Variants in HERC4 observed in about 807,000 individuals in gnomAD.
The protein encoded by HERC4 is probable E3 ubiquitin-protein ligase HERC4.
A neutral mutation model predicts 124.3 loss-of-function variants in HERC4; 28 were observed. The observed-to-expected ratio is 0.23, with a 90% CI of 0.17 to 0.31. The LOEUF (loss-of-function observed/expected upper bound fraction) is 0.31, where lower values mean the gene tolerates loss of function less well. Ranked by LOEUF, HERC4 falls within the 10% of genes least tolerant of loss-of-function variation. The probability of loss-of-function intolerance (pLI) is 1.00; values close to 1 mark genes in which losing one functional copy is unlikely to be tolerated. For synonymous variants in HERC4, 407 were observed against 421.5 expected (o/e 0.97, Z 0.42); for missense variants, 713 against 1,229.3 (o/e 0.58, Z 6.28).
chr10:67,940,077 G>A (rs1418546158), intron 20 of HERC4, among the ~76,000 whole-genome samples: 9 of 151,940 alleles, frequency 5.9e-5, no homozygotes, highest in African/African-American at 1.9e-4. Flanking sequence ...ACAGGCGACC[G>A]CCACCATGCC....
At chr10:67,978,459 A>G (rs73263222) in intron 15 of HERC4, among the ~76,000 whole-genome samples, 11,522 of 152,204 alleles carry the variant, frequency 0.076, 1,132 homozygotes, top group African/African-American at 0.23. Flanking sequence ...GTACAACAGA[A>G]CACCAGGTAG....
intron 9 of HERC4, chr10:67,992,899 G>C (rs745692304): frequency 1.5e-5 from 6 of 389,484 alleles, no homozygotes; most frequent in Non-Finnish European, 2.7e-5. Context: ...AGCAGCATTT[G>C]GTGAAGTTTA....
Position 67,987,402 on chromosome 10 carries a change from G to A in HERC4, c.1806+1261C>T, listed in dbSNP as rs1262604154. ...GAATGAGTAATTATTTGGTAATAGG[G>A]TCCAGCTGAAAAGGGATTGTTCACC... On this transcript the variant is annotated intron_variant, in intron 15 of 24. Coordinates refer to ENST00000373700, the MANE Select transcript of HERC4 (RefSeq NM_015601.4). Among the ~76,000 whole-genome samples the A allele has an allele frequency of 1.2e-4, 18 of 152,146 alleles. 1 individual carries two copies. The highest frequency in any genetic ancestry group is 1.2e-3 in the Admixed American group (18 of 15,276).
chr10:67,923,568 CT>C (rs1029816564), intron 24 of HERC4, among the ~76,000 whole-genome samples: 3 of 148,820 alleles, frequency 2.0e-5, no homozygotes, highest in East Asian at 2.0e-4. Context: ...TCAAATCATT[CT>C]TTTTTTTTTG....
chr10:67,977,186 G>A (rs1002761597), intron 15 of HERC4, among the ~76,000 whole-genome samples: 3 of 152,158 alleles, frequency 2.0e-5, no homozygotes, highest in African/African-American at 7.2e-5. Context: ...GGGAAGAGTG[G>A]GGAGAACTTT....
At chr10:68,064,715 G>A (rs2041213079) in intron 3 of HERC4, among the ~76,000 whole-genome samples, 1 of 152,078 alleles carries the variant, frequency 6.6e-6, no homozygotes, top group African/African-American at 2.4e-5. Context: ...GCTCACACCT[G>A]TAATCCCAGC....
At chr10:68,002,387 A>AT (rs879301841) in intron 9 of HERC4, among the ~76,000 whole-genome samples, 3 of 152,018 alleles carry the variant, frequency 2.0e-5, no homozygotes, top group Admixed American at 6.6e-5. Context: ...TAAAAAATAT[A>AT]TATGAAAAGA....
Position 68,006,161 on chromosome 10 carries a change from T to C in HERC4, c.1069+7865A>G, listed in dbSNP as rs118153679. On this transcript the variant is annotated intron_variant, in intron 9 of 24. Coordinates refer to ENST00000373700, the MANE Select transcript of HERC4 (RefSeq NM_015601.4). ...CTTTACAAGTTGCTGTAGTTATTAT[T>C]ATCTTTGATCCGTTTTAGTCTTCTT... is the stretch of plus-strand genomic sequence containing the variant. Among the ~76,000 whole-genome samples, 964 of 152,334 alleles carry C rather than the reference T, an allele frequency of 6.3e-3. 7 individuals carry two copies. Among genetic ancestry groups the C allele is most frequent in the South Asian group, 0.019 (92 of 4,832 alleles).
intron 24 of HERC4, among the ~76,000 whole-genome samples, chr10:67,924,084 A>G (rs1194156397): frequency 6.6e-6 from 1 of 152,182 alleles, no homozygotes; most frequent in African/African-American, 2.4e-5. Flanking sequence ...CCAAACAGAG[A>G]AAAGAGCAAT....
At chr10:67,926,416 TAA>T (rs11305276) in intron 23 of HERC4, among the ~76,000 whole-genome samples, 2 of 119,444 alleles carry the variant, frequency 1.7e-5, no homozygotes, top group African/African-American at 3.1e-5. Context: ...AAATAAAAAA[TAA>T]AAAAAAAAAA....
rs1554830068 is a variant in HERC4, at chr10:68,059,474, T to TATA, written c.226+13406_226+13408dup. Among the ~76,000 whole-genome samples the TATA allele has an allele frequency of 5.8e-3, 738 of 127,386 alleles. 22 individuals carry two copies. Among genetic ancestry groups the TATA allele is most frequent in the African/African-American group, 0.023 (713 of 31,304 alleles). The allele number at this position is 127,386 out of a possible 152,430, so 83.6% of individuals were successfully genotyped here. A position where few individuals can be genotyped will look rare whatever the true frequency, so the allele number is the denominator to read the frequency against. ...TATATATTATAATAATATTATATATTATAATATTATATATTATAACATTAT... is the reference window on the plus strand; with the variant it reads ...TATATATTATAATAATATTATATATTATAATAATATTATATATTATAACATTAT... On this transcript the variant is annotated intron_variant, in intron 3 of 24. Transcript: ENST00000373700.
intron 23 of HERC4, among the ~76,000 whole-genome samples, chr10:67,928,937 G>A (rs1319750506): frequency 6.6e-6 from 1 of 151,680 alleles, no homozygotes; most frequent in Non-Finnish European, 1.5e-5. Flanking sequence ...AAAAAGAGTT[G>A]CCTCCTGACA....
At chr10:68,073,460 A>G (rs1326484841) in intron 2 of HERC4, among the ~76,000 whole-genome samples, 197 bp downstream of exon 2, 1 of 152,224 alleles carries the variant, frequency 6.6e-6, no homozygotes, top group African/African-American at 2.4e-5. Context: ...CTTGTGATAG[A>G]CTAAACTAAT....
chr10:68,058,934 T>C (rs1182376924), intron 3 of HERC4, among the ~76,000 whole-genome samples: 1 of 152,108 alleles, frequency 6.6e-6, no homozygotes, highest in Admixed American at 6.6e-5. Flanking sequence ...AATCTAACTC[T>C]CACCACTTCT....
At chr10:68,028,418 A>C (rs1268988706) in intron 7 of HERC4, among the ~76,000 whole-genome samples, 1 of 152,170 alleles carries the variant, frequency 6.6e-6, no homozygotes, top group Non-Finnish European at 1.5e-5. Context: ...ATCCAGTGAA[A>C]GCTCCTTCAA....
chr10:67,964,416 A>G (rs1012932475), intron 16 of HERC4, among the ~76,000 whole-genome samples: 4 of 152,064 alleles, frequency 2.6e-5, no homozygotes, highest in Admixed American at 6.6e-5. Context: ...TCCATCAGTG[A>G]TTTTTATTTT....
intron 15 of HERC4, among the ~76,000 whole-genome samples, chr10:67,976,417 T>C (rs942006152): frequency 3.9e-5 from 6 of 152,190 alleles, no homozygotes; most frequent in African/African-American, 9.7e-5. Context: ...ACCTCTGATA[T>C]ATATTTTTGT....
chr10:67,995,946 C>A, intron 9 of HERC4: 1 of 278,176 alleles, frequency 3.6e-6, no homozygotes. Flanking sequence ...TGTGTATGAA[C>A]AGACATCATA....
chr10:67,960,489 G>A (rs183755576), intron 16 of HERC4, among the ~76,000 whole-genome samples: 1 of 152,060 alleles, frequency 6.6e-6, no homozygotes. Flanking sequence ...GGGTTCAAGC[G>A]ATTCTCCTGC....
Sources: allele counts gnomAD v4.1 joint callset (sites outside exome capture counted in the v4.1 genomes callset), GRCh38; gene constraint gnomAD v4.1.1; transcripts MANE v1.5; gene names NCBI Gene and HGNC (gene_info 2026-07-23, HGNC 2026-07-21).